The following PDE1A variants were observed in gnomAD, a reference collection of about 807,000 sequenced individuals.
PDE1A encodes the protein phosphodiesterase 1A, also known as dual specificity calcium/calmodulin-dependent 3',5'-cyclic nucleotide phosphodiesterase 1A.
In PDE1A, 35 loss-of-function variants were observed where a neutral mutation model predicts 61.7. The ratio of observed to expected loss-of-function variants is 0.57; its 90% confidence interval spans 0.43 to 0.75. The LOEUF is 0.75. PDE1A is among the 30% of genes least tolerant of loss of function. The pLI is 0.00. For missense variants in PDE1A, 597 were observed against 630.6 expected (o/e 0.95, Z 0.57); for synonymous variants, 232 against 213.2 (o/e 1.09, Z -0.77).
intron 2 of PDE1A, among the ~76,000 whole-genome samples, chr2:182,432,354 G>T (rs1483638686): frequency 6.6e-6 from 1 of 152,044 alleles, no homozygotes; most frequent in African/African-American, 2.4e-5. Flanking sequence ...ATTGTTGTAG[G>T]ATTAAAAATA....
chr2:182,429,167 G>A (rs1181731222), upstream of PDE1A, among the ~76,000 whole-genome samples: 3 of 151,976 alleles, frequency 2.0e-5, no homozygotes, highest in Non-Finnish European at 4.4e-5. Flanking sequence ...GATGATACCA[G>A]TAAATTAAAT....
intron 1 of PDE1A, among the ~76,000 whole-genome samples, chr2:182,369,340 T>C (rs1700008257): frequency 6.6e-6 from 1 of 152,230 alleles, no homozygotes; most frequent in Non-Finnish European, 1.5e-5. Context: ...CACAGGTTTA[T>C]TGTTTCATTT....
At chr2:182,411,311 T>G (rs1291356455) in intron 1 of PDE1A, among the ~76,000 whole-genome samples, 1 of 152,248 alleles carries the variant, frequency 6.6e-6, no homozygotes, top group Non-Finnish European at 1.5e-5. Context: ...AAATTGTGTT[T>G]GCGATATTTG....
chr2:182,613,907 T>G, the PDE1A span, among the ~76,000 whole-genome samples: 1 of 152,314 alleles, frequency 6.6e-6, no homozygotes, highest in East Asian at 1.9e-4. Flanking sequence ...GCCACACTCC[T>G]TTCAATGATG....
chr2:182,223,785 T>A, intron 7 of PDE1A, 79 bp downstream of exon 7: 2 of 787,048 alleles, frequency 2.5e-6, no homozygotes, highest in Non-Finnish European at 2.0e-6. Flanking sequence ...TATTATTTTT[T>A]AAAAATCCTC....
the PDE1A span, among the ~76,000 whole-genome samples, chr2:182,701,091 G>A: frequency 6.6e-6 from 1 of 152,040 alleles, no homozygotes; most frequent in Non-Finnish European, 1.5e-5. Context: ...CTGGAGTGCA[G>A]TGGCGCGATC....
At chr2:182,426,463 A>T in intron 1 of PDE1A, 115 bp downstream of exon 1, 1 of 730,792 alleles carries the variant, frequency 1.4e-6, no homozygotes, top group Non-Finnish European at 2.4e-6. Flanking sequence ...GTTAAACTTT[A>T]AGCACTCTTG....
At chr2:182,548,129 C>T in the PDE1A span, among the ~76,000 whole-genome samples, 1 of 152,086 alleles carries the variant, frequency 6.6e-6, no homozygotes, top group Admixed American at 6.6e-5. Flanking sequence ...AAAAGATTTG[C>T]TTTTATTCTC....
At chr2:182,652,281 T>C in the PDE1A span, among the ~76,000 whole-genome samples, 7 of 152,342 alleles carry the variant, frequency 4.6e-5, no homozygotes, top group Middle Eastern at 3.4e-3. Context: ...CTCTTCCCTA[T>C]GACCTGTCTA....
At chr2:182,413,770 T>G (rs901452231) in intron 1 of PDE1A, among the ~76,000 whole-genome samples, 1 of 152,174 alleles carries the variant, frequency 6.6e-6, no homozygotes, top group Non-Finnish European at 1.5e-5. Flanking sequence ...GTTATAAAGT[T>G]CTGGGAAATC....
intron 1 of PDE1A, among the ~76,000 whole-genome samples, chr2:182,374,654 C>A (rs184543239): frequency 3.9e-4 from 60 of 152,124 alleles, no homozygotes; most frequent in Non-Finnish European, 1.5e-5. Context: ...TAAAAATGAA[C>A]ATGATACTAG....
At chr2:182,559,603 A>T in the PDE1A span, among the ~76,000 whole-genome samples, 21 of 152,324 alleles carry the variant, frequency 1.4e-4, no homozygotes, top group African/African-American at 5.1e-4. Context: ...GGTATACCCC[A>T]TGGCCCAGCA....
chr2:182,577,988 GGAAGGGAC>G, the PDE1A span, among the ~76,000 whole-genome samples: 66 of 147,844 alleles, frequency 4.5e-4, no homozygotes, highest in African/African-American at 1.6e-3. Flanking sequence ...AAGGAAGGAA[GGAAGGGAC>G]GGAGGGAGGG....
intron 2 of PDE1A, among the ~76,000 whole-genome samples, chr2:182,503,341 C>T (rs1689209083): frequency 6.6e-6 from 1 of 152,154 alleles, no homozygotes; most frequent in South Asian, 2.1e-4. Flanking sequence ...TCAGAGAAGT[C>T]TTCTTAAAAC....
intron 13 of PDE1A, among the ~76,000 whole-genome samples, chr2:182,151,173 C>T (rs989264437): frequency 6.6e-5 from 10 of 152,252 alleles, no homozygotes; most frequent in Middle Eastern, 3.4e-3. Context: ...TTGCAACCTC[C>T]GCTTCCTGGG....
chr2:182,608,411 G>A, the PDE1A span, among the ~76,000 whole-genome samples: 9 of 152,190 alleles, frequency 5.9e-5, no homozygotes, highest in Non-Finnish European at 1.0e-4. Flanking sequence ...CCTTTTCTGG[G>A]CTGGCCAAGG....
At chr2:182,171,527 C>T (rs371382848) in intron 13 of PDE1A, among the ~76,000 whole-genome samples, 9 of 151,606 alleles carry the variant, frequency 5.9e-5, no homozygotes, top group Admixed American at 2.0e-4. Flanking sequence ...TCAAGAGGAA[C>T]GGAAGCCTAT....
chr2:182,458,873 C>T (rs1184133707), intron 2 of PDE1A, among the ~76,000 whole-genome samples: 6 of 152,040 alleles, frequency 3.9e-5, no homozygotes, highest in Non-Finnish European at 5.9e-5. Flanking sequence ...GATAATTACA[C>T]CGATAACTGT....
intron 13 of PDE1A, among the ~76,000 whole-genome samples, chr2:182,174,689 C>T (rs1235107701): frequency 6.6e-6 from 1 of 151,934 alleles, no homozygotes; most frequent in African/African-American, 2.4e-5. Flanking sequence ...TAAGATTGTC[C>T]TACACGTTGC....
Sources: allele counts gnomAD v4.1 joint callset (sites outside exome capture counted in the v4.1 genomes callset), GRCh38; gene constraint gnomAD v4.1.1; transcripts MANE v1.5; gene names NCBI Gene and HGNC (gene_info 2026-07-23, HGNC 2026-07-21).